The following UBE3A variants were observed in gnomAD, a reference collection of about 807,000 sequenced individuals.
UBE3A encodes ubiquitin protein ligase E3A, also known as ubiquitin-protein ligase E3A.
In UBE3A, 6 loss-of-function variants were observed where a neutral mutation model predicts 83.4. That is an observed-to-expected ratio of 0.07 (90% CI 0.04 to 0.14). The LOEUF is 0.14. Among genes scored for constraint, UBE3A ranks in the 10% least tolerant of loss-of-function variants. The pLI is 1.00. For synonymous variants in UBE3A, 337 were observed against 355.4 expected (o/e 0.95, Z 0.58); for missense variants, 456 against 1,036.1 (o/e 0.44, Z 7.69).
chr15:25,371,816 G>A lies in UBE3A; in HGVS notation c.362-4C>T. The A allele has an allele frequency of 1.2e-6, 2 of 1,605,232 alleles. No homozygotes were observed. The highest frequency in any genetic ancestry group is 1.7e-6 in the Non-Finnish European group (2 of 1,178,542). ...TCTTCTGTTAAGTAAGTCACATCTA[G>A]AAAATCAGAGGAAAAAAGAGAACAT... On this transcript the variant is annotated splice_region_variant and splice_polypyrimidine_tract_variant and intron_variant, in intron 5 of 12. Transcript: ENST00000648336. The surrounding 1 kb of genome is among the most constrained non-coding windows in gnomAD (Gnocchi z 5.3).
chr15:25,385,717 A>G (rs2083001570), intron 4 of UBE3A, among the ~76,000 whole-genome samples: 1 of 152,150 alleles, frequency 6.6e-6, no homozygotes, highest in Non-Finnish European at 1.5e-5. Context: ...AGGTGAACAC[A>G]TAGCATCACC....
At chr15:25,426,482 T>G (rs752512669) in intron 1 of UBE3A, among the ~76,000 whole-genome samples, 9 of 152,194 alleles carry the variant, frequency 5.9e-5, no homozygotes, top group Non-Finnish European at 1.2e-4. Flanking sequence ...AGACTTATAA[T>G]GCAATATACT....
chr15:25,334,537 T>TG lies in UBE3A; in HGVS notation c.*4599dup, dbSNP rs1432987566. 6 of 151,482 alleles carry TG rather than the reference T, an allele frequency of 4.0e-5. No homozygotes were observed. Among genetic ancestry groups the TG allele is most frequent in the Admixed American group, 2.0e-4 (3 of 15,208 alleles). 9.4% of individuals were successfully genotyped at this position (151,482 alleles called of 1,614,324 possible). ...AAGATCCCAGCTGTTTTGCAGGAAT[T>TG]GACACAATGATCATATAAAAATTCA... On this transcript the variant is annotated 3_prime_UTR_variant, in exon 13 of 13. Transcript: ENST00000648336.
chr15:25,420,599 A>G (rs1344947177), intron 1 of UBE3A: 1 of 152,018 alleles, frequency 6.6e-6, no homozygotes, highest in Non-Finnish European at 1.5e-5. Context: ...TTAAGACCAT[A>G]ATGACTTTTT....
At position 25,339,953 on chromosome 15, in the gene UBE3A, G is replaced by A. The variant is rs1429995706; in HGVS notation, c.2498+132C>T. On this transcript the variant is annotated intron_variant, in intron 12 of 12. Transcript: ENST00000648336. ...ATGACAGCAAAGTATTTTCTCAATT[G>A]TCTAATATGATTTGGGGATTTGTAT... is the stretch of plus-strand genomic sequence containing the variant. 8 of 1,240,260 alleles carry A rather than the reference G, an allele frequency of 6.5e-6. No individual in the cohort carries two copies. The Admixed American group carries it at 9.6e-5, about 15-fold the overall frequency. 76.8% of individuals were successfully genotyped at this position (1,240,260 alleles called of 1,614,324 possible). A position where few individuals can be genotyped will look rare whatever the true frequency, so the allele number is the denominator to read the frequency against.
At chr15:25,408,481 T>C in intron 3 of UBE3A, 2 of 1,174,866 alleles carry the variant, frequency 1.7e-6, no homozygotes, top group Non-Finnish European at 2.5e-6. Flanking sequence ...AATAACCAAA[T>C]AACATTGGAT....
intron 11 of UBE3A, among the ~76,000 whole-genome samples, chr15:25,341,692 G>T (rs1478020505): frequency 6.7e-6 from 1 of 150,162 alleles, no homozygotes; most frequent in Admixed American, 6.6e-5. Context: ...GAACATGGGA[G>T]GCGGAGGCTG....
At chr15:25,405,715 G>A in intron 3 of UBE3A, 2 of 576,814 alleles carry the variant, frequency 3.5e-6, no homozygotes, top group Non-Finnish European at 6.2e-6. Flanking sequence ...AAAACTCAAT[G>A]CATGTTTTTT....
rs1207793643 is a variant in UBE3A, at chr15:25,336,864, A to G, written c.*2273T>C. On this transcript the variant is annotated 3_prime_UTR_variant, in exon 13 of 13. Transcript: ENST00000648336. The stretch of plus-strand genomic sequence containing the variant: ...ATATATAATAGAGTACCTGGGCAAA[A>G]AAAGTACTTTTATAACATAACATTT... 6.6e-6 allele frequency: 1 copy of G among 152,190 alleles called. No individual in the cohort carries two copies. Among genetic ancestry groups the G allele is most frequent in the African/African-American group, 2.4e-5 (1 of 41,454 alleles). The allele number at this position is 152,190 out of a possible 1,614,324, so 9.4% of individuals were successfully genotyped here.
chr15:25,353,719 T>A (rs1426829387), intron 11 of UBE3A, among the ~76,000 whole-genome samples: 1 of 152,184 alleles, frequency 6.6e-6, no homozygotes, highest in Non-Finnish European at 1.5e-5. Context: ...AATCCATCAG[T>A]AGCTGCCACT....
At position 25,369,388 on chromosome 15, in the gene UBE3A, A is replaced by AAAC. The variant is rs747532342; in HGVS notation, c.1608+1177_1608+1178insGTT. 1.9e-3 allele frequency among the ~76,000 whole-genome samples: 279 copies of AAAC among 147,934 alleles called. 2 individuals carry two copies. Among genetic ancestry groups the AAAC allele is most frequent in the African/African-American group, 6.7e-3 (267 of 39,574 alleles). ...CAAACCAGTAACAAAAAAAAAAAAA[A>AAAC]CACACAAAATCTCTGCAATTTTTAA... is the stretch of plus-strand genomic sequence containing the variant. On this transcript the variant is annotated intron_variant, in intron 6 of 12. Transcript: ENST00000648336.
intron 4 of UBE3A, among the ~76,000 whole-genome samples, chr15:25,399,383 T>C (rs982380919): frequency 6.6e-6 from 1 of 152,194 alleles, no homozygotes; most frequent in Non-Finnish European, 1.5e-5. Flanking sequence ...ATTTGGTATA[T>C]GATGTGAGAT....
chr15:25,367,242 A>AATATTTACATATTTGTAAATATGTAG (rs961276974), intron 6 of UBE3A, among the ~76,000 whole-genome samples: 3 of 77,942 alleles, frequency 3.8e-5, no homozygotes, highest in African/African-American at 8.7e-5. Flanking sequence ...TAAATATGTA[A>AATATTTACATATTTGTAAATATGTAG]ATATTTGCAT....
chr15:25,401,467 G>A (rs1030860166), intron 4 of UBE3A, among the ~76,000 whole-genome samples: 2 of 152,164 alleles, frequency 1.3e-5, no homozygotes, highest in Non-Finnish European at 2.9e-5. Context: ...TTTTATGACT[G>A]ATACAATCCT....
chr15:25,379,260 G>A (rs961605065), intron 4 of UBE3A, among the ~76,000 whole-genome samples: 1 of 152,138 alleles, frequency 6.6e-6, no homozygotes, highest in Admixed American at 6.5e-5. Context: ...TATTATTGTT[G>A]TAATTGTTAC....
chr15:25,367,177 T>TTGTAAATA (rs1191695358), intron 6 of UBE3A, among the ~76,000 whole-genome samples: 1 of 94,196 alleles, frequency 1.1e-5, no homozygotes, highest in Admixed American at 8.8e-5. Context: ...ATTTACATAT[T>TTGTAAATA]TGTAAATATG....
At position 25,370,457 on chromosome 15, in the gene UBE3A, G is replaced by A. The variant is rs2080140900; in HGVS notation, c.1608+109C>T. On this transcript the variant is annotated intron_variant, in intron 6 of 12. Coordinates refer to ENST00000648336, the MANE Select transcript of UBE3A (RefSeq NM_130839.5). The surrounding 1 kb of genome is among the most constrained non-coding windows in gnomAD (Gnocchi z 4.2). The stretch of plus-strand genomic sequence containing the variant: ...TATATAAGATCAGAAATGTCCATGT[G>A]TTCCTATGCTATATGGTATCATTTT... 7.7e-7 allele frequency: 1 copy of A among 1,294,148 alleles called. No homozygotes were observed. 80.2% of individuals were successfully genotyped at this position (1,294,148 alleles called of 1,614,324 possible).
intron 3 of UBE3A, chr15:25,407,215 G>A (rs2088825613): frequency 7.8e-7 from 1 of 1,275,748 alleles, no homozygotes; most frequent in Non-Finnish European, 1.0e-6. Flanking sequence ...ATGTCATACT[G>A]TAAGGAGGCA....
intron 7 of UBE3A, among the ~76,000 whole-genome samples, chr15:25,358,471 T>A (rs1341009448): frequency 6.6e-6 from 1 of 152,102 alleles, no homozygotes; most frequent in Non-Finnish European, 1.5e-5. Flanking sequence ...TTTAAATGAC[T>A]AAGGAAAAAA....
Sources: gnomAD v4.1 joint callset for allele counts (sites outside exome capture counted in the v4.1 genomes callset) on GRCh38, gnomAD v4.1.1 for gene constraint, Gnocchi (gnomAD v3.1) non-coding constraint, MANE v1.5 for transcripts, NCBI Gene and HGNC (gene_info 2026-07-23, HGNC 2026-07-21) for gene names.